The following MYO16 variants were observed in gnomAD, a reference collection of about 807,000 sequenced individuals.
The protein encoded by MYO16 is myosin XVI.
Under a neutral mutation model 205.3 loss-of-function variants are expected in MYO16, and 94 were observed. That is an observed-to-expected ratio of 0.46 (90% CI 0.39 to 0.54). The LOEUF (loss-of-function observed/expected upper bound fraction) is 0.54. MYO16 is among the 20% of genes least tolerant of loss of function. The pLI, the probability that MYO16 is intolerant of heterozygous loss-of-function variation, is 0.00. For synonymous variants in MYO16, 988 were observed against 954.0 expected (o/e 1.04, Z -0.66); for missense variants, 2,315 against 2,387.5 (o/e 0.97, Z 0.63).
chr13:108,972,237 C>CTATATA (rs1263150322), intron 20 of MYO16, among the ~76,000 whole-genome samples: 2 of 16,302 alleles, frequency 1.2e-4, no homozygotes, highest in Non-Finnish European at 2.5e-4. Context: ...CTCTCTCTCT[C>CTATATA]TCTCTCTCTC....
chr13:108,734,682 A>T (rs769333232), intron 4 of MYO16, among the ~76,000 whole-genome samples: 46 of 152,382 alleles, frequency 3.0e-4, no homozygotes, highest in Non-Finnish European at 5.0e-4. Context: ...CTAGCAAAAT[A>T]TCAATGCTGC....
At chr13:109,172,204 A>C (rs181719588) in intron 33 of MYO16, among the ~76,000 whole-genome samples, 3 of 152,288 alleles carry the variant, frequency 2.0e-5, no homozygotes, top group African/African-American at 7.2e-5. Flanking sequence ...CTTTATGGAG[A>C]TTGTACACCT....
At chr13:108,914,612 A>G (rs1224323963) in intron 16 of MYO16, among the ~76,000 whole-genome samples, 2 of 152,202 alleles carry the variant, frequency 1.3e-5, no homozygotes, top group African/African-American at 4.8e-5. Flanking sequence ...ATCGTATCTT[A>G]TGTGATTAGA....
intron 5 of MYO16, among the ~76,000 whole-genome samples, chr13:108,791,959 G>C (rs1038986781): frequency 4.6e-5 from 7 of 152,226 alleles, no homozygotes; most frequent in Non-Finnish European, 1.0e-4. Flanking sequence ...AAGAGACAAA[G>C]TGCTCAGAAG....
chr13:108,521,659 T>A, the MYO16 span, among the ~76,000 whole-genome samples: 1 of 152,330 alleles, frequency 6.6e-6, no homozygotes, highest in South Asian at 2.1e-4. Context: ...TGTCTGATAA[T>A]CTACCTCTGA....
chr13:109,040,776 C>G (rs1886861113), intron 23 of MYO16, among the ~76,000 whole-genome samples: 2 of 152,126 alleles, frequency 1.3e-5, no homozygotes, highest in Non-Finnish European at 2.9e-5. Flanking sequence ...AGGGTGAAAT[C>G]TGGATGTTTT....
the MYO16 span, among the ~76,000 whole-genome samples, chr13:108,567,368 G>T: frequency 1.3e-5 from 2 of 152,158 alleles, no homozygotes; most frequent in African/African-American, 4.8e-5. Flanking sequence ...TTTCTTGACT[G>T]ATAATCGAAG....
At chr13:108,977,772 A>C (rs1884315187) in intron 20 of MYO16, among the ~76,000 whole-genome samples, 2 of 151,988 alleles carry the variant, frequency 1.3e-5, no homozygotes, top group African/African-American at 4.8e-5. Context: ...TATTGCTTTA[A>C]TTACTTCTCA....
chr13:108,898,382 G>A (rs1463175540), intron 15 of MYO16, among the ~76,000 whole-genome samples: 1 of 148,462 alleles, frequency 6.7e-6, no homozygotes, highest in East Asian at 2.0e-4. Context: ...GTGTGTGTGT[G>A]TGTGTGTATA....
At chr13:108,683,758 CAT>C in intron 2 of MYO16, among the ~76,000 whole-genome samples, 1 of 152,208 alleles carries the variant, frequency 6.6e-6, no homozygotes, top group Non-Finnish European at 1.5e-5. Flanking sequence ...TAAGGTTTAG[CAT>C]TAAGCCTGAG....
Position 108,669,117 on chromosome 13 carries a change from A to G in MYO16, c.292+2968A>G, listed in dbSNP as rs567011031. 3.3e-5 allele frequency among the ~76,000 whole-genome samples: 5 copies of G among 152,282 alleles called. 1 individual carries two copies. Among genetic ancestry groups the G allele is most frequent in the African/African-American group, 1.2e-4 (5 of 41,566 alleles). The stretch of plus-strand genomic sequence containing the variant: ...GTAGAGAAAGAGTTTAGGTAAAACG[A>G]TACGAAGTCTAAGAACTGAGTCCCA... On this transcript the variant is annotated intron_variant, in intron 2 of 34. Transcript: ENST00000457511.
upstream of MYO16, among the ~76,000 whole-genome samples, chr13:108,594,743 C>T (rs1392077314): frequency 6.6e-6 from 1 of 152,182 alleles, no homozygotes; most frequent in Non-Finnish European, 1.5e-5. Context: ...TAGCCCCCAC[C>T]AGCCCAGTGT....
intron 12 of MYO16, among the ~76,000 whole-genome samples, chr13:108,874,696 C>CATT (rs34831399): frequency 0.08 from 8,520 of 106,680 alleles, 932 homozygotes; most frequent in East Asian, 0.5. Flanking sequence ...TCATCATCAT[C>CATT]ATTATTATTA....
In MYO16 at chr13:109,205,863, C is replaced by T. The variant is rs148977703; in HGVS notation, c.5416-746C>T. Among the ~76,000 whole-genome samples, 15 of 152,284 alleles carry T rather than the reference C, an allele frequency of 9.9e-5. No individual in the cohort carries two copies. In the East Asian group the frequency reaches 2.5e-3, roughly 26 times the overall value. Reference sequence around the variant, plus strand: ...AATGTTCCCATCTTTGAGGGCTCAGCGTCTGAGAGTACACAGTTGCTAATT... The same window carrying T: ...AATGTTCCCATCTTTGAGGGCTCAGTGTCTGAGAGTACACAGTTGCTAATT... On this transcript the variant is annotated intron_variant, in intron 34 of 34. Coordinates refer to ENST00000457511, the MANE Select transcript of MYO16 (RefSeq NM_001198950.3).
chr13:108,696,896 T>A (rs191463757), intron 2 of MYO16, among the ~76,000 whole-genome samples: 5 of 152,064 alleles, frequency 3.3e-5, no homozygotes, highest in African/African-American at 1.2e-4. Context: ...AAGGTTTCAA[T>A]TGCTGTAGCT....
intron 32 of MYO16, among the ~76,000 whole-genome samples, chr13:109,157,466 G>A (rs1054979894): frequency 1.3e-5 from 2 of 151,572 alleles, no homozygotes; most frequent in South Asian, 2.1e-4. Flanking sequence ...TCCACATTCC[G>A]TCCTCAACTC....
At chr13:108,621,711 C>A (rs986646001) in intron 1 of MYO16, among the ~76,000 whole-genome samples, 8 of 152,122 alleles carry the variant, frequency 5.3e-5, no homozygotes, top group Admixed American at 1.3e-4. Flanking sequence ...CTGCTCCATA[C>A]CAATGCCTAC....
At chr13:108,886,805 C>A (rs1157062023) in intron 13 of MYO16, among the ~76,000 whole-genome samples, 2 of 152,092 alleles carry the variant, frequency 1.3e-5, no homozygotes, top group African/African-American at 4.8e-5. Flanking sequence ...GACTGTCTGC[C>A]TGAAGCAAGC....
chr13:108,845,829 G>A (rs1427560065), intron 10 of MYO16, among the ~76,000 whole-genome samples: 2 of 152,068 alleles, frequency 1.3e-5, no homozygotes, highest in African/African-American at 2.4e-5. Flanking sequence ...TGATGCTTCT[G>A]CCTCAGCTTC....
Sources: allele counts gnomAD v4.1 joint callset (sites outside exome capture counted in the v4.1 genomes callset), GRCh38; gene constraint gnomAD v4.1.1; transcripts MANE v1.5; gene names NCBI Gene and HGNC (gene_info 2026-07-23, HGNC 2026-07-21).